The following SMIM31 variants were observed in gnomAD, a reference collection of about 807,000 sequenced individuals.
SMIM31 encodes human epithelial cell program regulator.
At chr4:164,777,093 A>G (rs552223868) in intron 2 of SMIM31, among the ~76,000 whole-genome samples, 3 of 152,370 alleles carry the variant, frequency 2.0e-5, no homozygotes, top group Admixed American at 6.5e-5. Context: ...TGAAGCACAA[A>G]TTAATTCAGA....
rs149448475 is a variant in SMIM31, at chr4:164,762,483, G to A, written c.-25-7936G>A. On this transcript the variant is annotated intron_variant, in intron 1 of 2. Coordinates refer to ENST00000507311, the MANE Select transcript of SMIM31 (RefSeq NM_001352885.1). The stretch of plus-strand genomic sequence containing the variant: ...TATAATCCCAGCACTTCGGGAAGCC[G>A]AGGCAGGCAGATTACTTGAGGTCAA... Among the ~76,000 whole-genome samples the A allele has an allele frequency of 4.9e-3, 751 of 151,950 alleles. 9 individuals are homozygous for A. Among genetic ancestry groups the A allele is most frequent in the African/African-American group, 0.017 (710 of 41,476 alleles).
intron 2 of SMIM31, among the ~76,000 whole-genome samples, chr4:164,775,332 C>T (rs1732865156): frequency 6.6e-6 from 1 of 152,196 alleles, no homozygotes; most frequent in Non-Finnish European, 1.5e-5. Context: ...CAAGAACAGA[C>T]ACAGACCTTT....
chr4:164,778,058 C>G (rs965635715), intron 2 of SMIM31, among the ~76,000 whole-genome samples: 1 of 152,134 alleles, frequency 6.6e-6, no homozygotes, highest in African/African-American at 2.4e-5. Context: ...AGATCCCTAC[C>G]GTTTTTTCAA....
chr4:164,774,916 GAT>G (rs1426788044), intron 2 of SMIM31, among the ~76,000 whole-genome samples: 9 of 152,074 alleles, frequency 5.9e-5, no homozygotes, highest in Admixed American at 2.6e-4. Flanking sequence ...GTTACAGAAT[GAT>G]ATCCTCAACA....
chr4:164,777,988 A>G (rs1443582259), intron 2 of SMIM31, among the ~76,000 whole-genome samples: 2 of 152,266 alleles, frequency 1.3e-5, no homozygotes, highest in Non-Finnish European at 2.9e-5. Context: ...ATAAAGAAAA[A>G]TTGCCACTGC....
chr4:164,773,993 C>T (rs914558981), intron 2 of SMIM31, among the ~76,000 whole-genome samples: 6 of 151,850 alleles, frequency 4.0e-5, no homozygotes, highest in Admixed American at 1.3e-4. Flanking sequence ...GGTGAAACCC[C>T]GTCTCTACTA....
intron 2 of SMIM31, among the ~76,000 whole-genome samples, chr4:164,798,269 T>C (rs1047955258): frequency 2.6e-5 from 4 of 151,904 alleles, no homozygotes; most frequent in African/African-American, 7.3e-5. Context: ...AGTCTCGCTC[T>C]GTCGCCCAGT....
chr4:164,783,217 CAAAA>C (rs753365487), intron 2 of SMIM31, among the ~76,000 whole-genome samples: 1 of 32,884 alleles, frequency 3.0e-5, no homozygotes, highest in African/African-American at 1.1e-4. Flanking sequence ...GACTCTGTCT[CAAAA>C]AAAAAAAAAA....
intron 1 of SMIM31, among the ~76,000 whole-genome samples, chr4:164,765,676 T>C (rs921294180): frequency 6.7e-6 from 1 of 149,750 alleles, no homozygotes; most frequent in Admixed American, 6.6e-5. Flanking sequence ...AGAAGTGGCA[T>C]GCACGTTGGT....
Position 164,802,956 on chromosome 4 carries a change from C to T in SMIM31, c.*1762C>T, listed in dbSNP as rs551196088. 8 of 152,274 alleles carry T rather than the reference C, an allele frequency of 5.3e-5. No homozygotes were observed. In the East Asian group the frequency reaches 1.5e-3, roughly 29 times the overall value. 9.4% of individuals were successfully genotyped at this position (152,274 alleles called of 1,614,324 possible). A position where few individuals can be genotyped will look rare whatever the true frequency, so the allele number is the denominator to read the frequency against. On this transcript the variant is annotated 3_prime_UTR_variant, in exon 3 of 3. Transcript: ENST00000507311. ...TTATTATATGACCTTGGGCAAAGTA[C>T]TTAATTTCTCTGAGCCTTGGTGTTC...
intron 2 of SMIM31, among the ~76,000 whole-genome samples, chr4:164,796,982 C>T (rs1560833210): frequency 6.6e-6 from 1 of 152,150 alleles, no homozygotes; most frequent in Non-Finnish European, 1.5e-5. Flanking sequence ...TCTCTAAGGC[C>T]CTTGACTACA....
At chr4:164,783,436 C>A (rs1010164257) in intron 2 of SMIM31, among the ~76,000 whole-genome samples, 1 of 150,482 alleles carries the variant, frequency 6.6e-6, no homozygotes, top group Non-Finnish European at 1.5e-5. Flanking sequence ...AGGCAGGAGA[C>A]TCGCTTGAAC....
At chr4:164,788,634 C>T (rs1733061051) in intron 2 of SMIM31, among the ~76,000 whole-genome samples, 1 of 151,244 alleles carries the variant, frequency 6.6e-6, no homozygotes, top group Admixed American at 6.6e-5. Context: ...GGATTACAGG[C>T]ATGCACCACC....
intron 2 of SMIM31, among the ~76,000 whole-genome samples, chr4:164,794,391 A>AAAG (rs760025683): frequency 3.3e-5 from 5 of 151,698 alleles, no homozygotes; most frequent in Non-Finnish European, 5.9e-5. Flanking sequence ...TCAGAAGAAA[A>AAAG]AAGAAGAAGA....
At chr4:164,787,186 G>C (rs1733035574) in intron 2 of SMIM31, 1 of 152,172 alleles carries the variant, frequency 6.6e-6, no homozygotes, top group East Asian at 1.9e-4. Flanking sequence ...GGCATTTGTG[G>C]TAAATTGGGA....
chr4:164,774,456 G>A (rs1732855148), intron 2 of SMIM31, among the ~76,000 whole-genome samples: 1 of 152,148 alleles, frequency 6.6e-6, no homozygotes, highest in Admixed American at 6.5e-5. Flanking sequence ...GAAGAGATGG[G>A]TACATAAGCA....
chr4:164,772,845 T>TG (rs1732829665), intron 2 of SMIM31, among the ~76,000 whole-genome samples: 1 of 151,828 alleles, frequency 6.6e-6, no homozygotes, highest in South Asian at 2.1e-4. Flanking sequence ...CCCAAAGTGC[T>TG]GGGATTACAG....
At chr4:164,777,743 G>C (rs1239695364) in intron 2 of SMIM31, among the ~76,000 whole-genome samples, 1 of 152,224 alleles carries the variant, frequency 6.6e-6, no homozygotes, top group African/African-American at 2.4e-5. Context: ...GTAACTGCCA[G>C]GTGAACAGTC....
intron 2 of SMIM31, 100 bp downstream of exon 2, chr4:164,770,655 T>A: frequency 2.5e-6 from 1 of 396,880 alleles, no homozygotes. Flanking sequence ...GTTTCTATCC[T>A]GTGTGTGAGG....
Sources: allele counts gnomAD v4.1 joint callset (sites outside exome capture counted in the v4.1 genomes callset), GRCh38; gene constraint gnomAD v4.1.1; transcripts MANE v1.5; gene names NCBI Gene and HGNC (gene_info 2026-07-23, HGNC 2026-07-21).